The following C1orf94 variants were observed in gnomAD, a reference collection of about 807,000 sequenced individuals.
The protein encoded by C1orf94 is uncharacterized protein C1orf94.
C1orf94 carries 45 observed loss-of-function variants against 53.6 expected under a neutral mutation model. The ratio of observed to expected loss-of-function variants is 0.84; its 90% confidence interval spans 0.66 to 1.08. The LOEUF is 1.08. C1orf94 is among the 50% of genes least tolerant of loss of function. The pLI is 0.00. For missense variants in C1orf94, 762 were observed against 738.9 expected (o/e 1.03, Z -0.36); for synonymous variants, 304 against 296.1 (o/e 1.03, Z -0.27).
At chr1:34,215,929 C>T (rs1287729679) in intron 6 of C1orf94, among the ~76,000 whole-genome samples, 1 of 152,116 alleles carries the variant, frequency 6.6e-6, no homozygotes, top group East Asian at 1.9e-4. Context: ...TTGCTTGAAC[C>T]AGGGAGGCGG....
chr1:34,208,675 G>A (rs975659246), intron 5 of C1orf94, among the ~76,000 whole-genome samples: 6 of 152,204 alleles, frequency 3.9e-5, no homozygotes, highest in Non-Finnish European at 7.3e-5. Flanking sequence ...TCTTGCTCGG[G>A]TCTATGGGCT....
At chr1:34,188,509 C>T (rs969049561) in intron 1 of C1orf94, among the ~76,000 whole-genome samples, 7 of 152,052 alleles carry the variant, frequency 4.6e-5, no homozygotes, top group Non-Finnish European at 8.8e-5. Context: ...ATGAAGAGAC[C>T]GAGGTCTCCG....
chr1:34,168,339 G>T (rs1051375849), intron 1 of C1orf94, among the ~76,000 whole-genome samples: 5 of 152,020 alleles, frequency 3.3e-5, no homozygotes, highest in East Asian at 1.9e-4. Context: ...GCCATGCAAA[G>T]TTGGGGAAAG....
chr1:34,194,971 A>G (rs1261308596), intron 1 of C1orf94, among the ~76,000 whole-genome samples: 3 of 152,030 alleles, frequency 2.0e-5, no homozygotes, highest in Admixed American at 6.5e-5. Flanking sequence ...AAAACTTGAG[A>G]CCGCAGATTG....
At chr1:34,196,743 G>A (rs1642592269) in intron 1 of C1orf94, among the ~76,000 whole-genome samples, 2 of 152,152 alleles carry the variant, frequency 1.3e-5, no homozygotes, top group East Asian at 1.9e-4. Flanking sequence ...CCACCATTCT[G>A]CAGTGAGGTG....
At chr1:34,174,757 C>T (rs762799134), upstream of C1orf94, among the ~76,000 whole-genome samples, 10 of 152,132 alleles carry the variant, frequency 6.6e-5, no homozygotes, top group Admixed American at 3.9e-4. Context: ...TTGTTTAAGC[C>T]ACACAGTCTG....
upstream of C1orf94, among the ~76,000 whole-genome samples, chr1:34,174,182 A>G (rs902944009): frequency 6.6e-6 from 1 of 152,272 alleles, no homozygotes; most frequent in Non-Finnish European, 1.5e-5. Context: ...ATCACAGAAC[A>G]ACTTCCCCAG....
chr1:34,176,480 G>A (rs2148609965), upstream of C1orf94, among the ~76,000 whole-genome samples: 1 of 152,104 alleles, frequency 6.6e-6, no homozygotes, highest in South Asian at 2.1e-4. Context: ...TCCTACTCCT[G>A]CTCCTACCCA....
intron 1 of C1orf94, among the ~76,000 whole-genome samples, chr1:34,185,578 C>A (rs1473408715): frequency 2.0e-5 from 3 of 152,202 alleles, no homozygotes; most frequent in Non-Finnish European, 4.4e-5. Context: ...CTAGTGCTGG[C>A]AGACACTGGC....
intron 1 of C1orf94, among the ~76,000 whole-genome samples, chr1:34,188,848 G>C (rs915411888): frequency 3.3e-5 from 5 of 152,132 alleles, no homozygotes; most frequent in African/African-American, 1.2e-4. Context: ...TTTGGGACAC[G>C]GGTTCACAAG....
chr1:34,169,231 A>T (rs1478717161), intron 1 of C1orf94, among the ~76,000 whole-genome samples: 2 of 152,162 alleles, frequency 1.3e-5, no homozygotes, highest in Non-Finnish European at 2.9e-5. Flanking sequence ...CCCTGGAAAC[A>T]TCTGCAGGGC....
chr1:34,186,723 G>A (rs929520551), intron 1 of C1orf94, among the ~76,000 whole-genome samples: 5 of 152,210 alleles, frequency 3.3e-5, no homozygotes, highest in African/African-American at 1.2e-4. Flanking sequence ...TGGCCAGAGG[G>A]AAGGACACAG....
At chr1:34,216,489 G>A (rs1001309551) in intron 6 of C1orf94, among the ~76,000 whole-genome samples, 17 of 152,150 alleles carry the variant, frequency 1.1e-4, no homozygotes, top group South Asian at 2.1e-4. Context: ...GGGTGGTGAC[G>A]CGAGGTGCTG....
chr1:34,186,765 G>A (rs950895508), intron 1 of C1orf94, among the ~76,000 whole-genome samples: 2 of 152,204 alleles, frequency 1.3e-5, no homozygotes, highest in Admixed American at 6.5e-5. Flanking sequence ...CCCAGTTCCA[G>A]TGTGGGATTC....
intron 2 of C1orf94, among the ~76,000 whole-genome samples, chr1:34,199,738 C>T (rs1642665494): frequency 6.6e-6 from 1 of 152,216 alleles, no homozygotes; most frequent in Non-Finnish European, 1.5e-5. Flanking sequence ...AATAAATGCT[C>T]AGTCTCTTTA....
chr1:34,192,169 G>T (rs1413918007), intron 1 of C1orf94, among the ~76,000 whole-genome samples: 2 of 152,170 alleles, frequency 1.3e-5, no homozygotes, highest in East Asian at 3.9e-4. Flanking sequence ...AAAACTTGGG[G>T]GAAAAAGGTA....
In C1orf94 at chr1:34,212,319, G is replaced by T. The variant is rs761930565; in HGVS notation, c.1634G>T (p.Arg545Met). ...CAGCCCAATTATCCCTACCCTCAGA[G>T]GACACCTCCAAAGATGTCTGCCAAC... ...FVQPNYPYPQ[R>M]TPPKMSANPR... is the part of the protein sequence containing the mutation. The change falls in exon 6 of 7, where the codon AGG (arginine) becomes ATG (methionine). Residue 545 changes from arginine to methionine, a missense_variant. Physicochemically the swap from Arg to Met is moderately conservative, Grantham distance 91. Coordinates refer to ENST00000488417, the MANE Select transcript of C1orf94 (RefSeq NM_001134734.2). The T allele has an allele frequency of 4.3e-6, 7 of 1,613,906 alleles. No homozygotes were observed. The highest frequency in any genetic ancestry group is 5.9e-6 in the Non-Finnish European group (7 of 1,179,966).
intron 1 of C1orf94, 46 bp downstream of exon 1, chr1:34,178,155 ATGAAGTC>A: frequency 6.6e-7 from 1 of 1,518,792 alleles, no homozygotes; most frequent in Non-Finnish European, 8.9e-7. Flanking sequence ...GAGGGAGGAG[ATGAAGTC>A]TGACCTTCTG....
At position 34,177,793 on chromosome 1, in the gene C1orf94, A is replaced by AG. The variant is rs756631480; in HGVS notation, c.8dup (p.Gly4TrpfsTer65). On this transcript the variant is annotated frameshift_variant, in exon 1 of 7. Transcript: ENST00000488417. LOFTEE classifies it high-confidence loss of function. ...TCCTCATCTCCCTTTCTGGTGAATG[A>AG]GGGGTGGTGGTGGTTGTGTTCTAGC... is the stretch of plus-strand genomic sequence containing the variant. 5.9e-6 allele frequency: 9 copies of AG among 1,531,670 alleles called. No homozygotes were observed. In the African/African-American group the frequency reaches 1.1e-4, roughly 19 times the overall value. 94.9% of individuals were successfully genotyped at this position (1,531,670 alleles called of 1,614,324 possible).
Sources: gnomAD v4.1 joint callset for allele counts (sites outside exome capture counted in the v4.1 genomes callset) on GRCh38, gnomAD v4.1.1 for gene constraint, MANE v1.5 for transcripts, NCBI Gene and HGNC (gene_info 2026-07-23, HGNC 2026-07-21) for gene names.